IMPA2: variants seen among roughly 807,000 people sequenced by gnomAD.
IMPA2 encodes inositol monophosphatase 2, also known as IMP 2.
A neutral mutation model predicts 35.1 loss-of-function variants in IMPA2; 32 were observed. The ratio of observed to expected loss-of-function variants is 0.91; its 90% confidence interval spans 0.69 to 1.23. The LOEUF (loss-of-function observed/expected upper bound fraction) is 1.23, where lower values mean the gene tolerates loss of function less well. Ranked by LOEUF, IMPA2 falls within the 50% of genes most tolerant of loss-of-function variation. The pLI, the probability that IMPA2 is intolerant of heterozygous loss-of-function variation, is 0.00. For synonymous variants in IMPA2, 135 were observed against 160.6 expected, an observed-to-expected ratio of 0.84 and a Z score of 1.20; for missense variants, 334 against 387.6, an observed-to-expected ratio of 0.86 and a Z score of 1.16.
chr18:11,990,606 G>A (rs1292391107), intron 1 of IMPA2, among the ~76,000 whole-genome samples: 1 of 152,184 alleles, frequency 6.6e-6, no homozygotes, highest in Non-Finnish European at 1.5e-5. Context: ...GCCCTTGGGG[G>A]CTGTGAGTTG....
At chr18:12,008,288 G>A (rs765497226) in intron 2 of IMPA2, 19 of 509,462 alleles carry the variant, frequency 3.7e-5, no homozygotes, top group Middle Eastern at 3.2e-4. Context: ...GAGCCACCGC[G>A]CCTTGCTTGT....
chr18:12,013,984 T>TATTG (rs1907505034), intron 4 of IMPA2, among the ~76,000 whole-genome samples: 1 of 152,242 alleles, frequency 6.6e-6, no homozygotes, highest in South Asian at 2.1e-4. Flanking sequence ...AACTTCTGGT[T>TATTG]ACTAATACTT....
rs1052191622 is a variant in IMPA2 at position 12,010,497 on chromosome 18, G to A, written c.335+510G>A. ...GGGGAGGTGAAGGGAATGGAGCTTCGGGGATGGTGAAGTGACAGGATGCAA... is the reference window on the plus strand; with the variant it reads ...GGGGAGGTGAAGGGAATGGAGCTTCAGGGATGGTGAAGTGACAGGATGCAA... On this transcript the variant is annotated intron_variant, in intron 3 of 7. Coordinates refer to ENST00000269159, the MANE Select transcript of IMPA2 (RefSeq NM_014214.3). The surrounding 1 kb of genome is among the most constrained non-coding windows in gnomAD (Gnocchi z 4.8). 2.6e-5 allele frequency among the ~76,000 whole-genome samples: 4 copies of A among 152,192 alleles called. No individual in the cohort carries two copies. Among genetic ancestry groups the A allele is most frequent in the Admixed American group, 6.5e-5 (1 of 15,290 alleles).
At chr18:12,007,939 A>G (rs1201020219) in intron 2 of IMPA2, among the ~76,000 whole-genome samples, 1 of 150,558 alleles carries the variant, frequency 6.6e-6, no homozygotes, top group East Asian at 2.0e-4. Context: ...CACCACCCCC[A>G]GCTAATTTTT....
rs148135746 is a variant in IMPA2 at position 12,021,006 on chromosome 18, G to A, written c.490+6633G>A. 1.3e-4 allele frequency among the ~76,000 whole-genome samples: 20 copies of A among 151,200 alleles called. No homozygotes were observed. The East Asian group carries it at 3.9e-3, about 30-fold the overall frequency. On this transcript the variant is annotated intron_variant, in intron 5 of 7. Transcript: ENST00000269159. ...GACATTGGATTCCTGGGCTTTGGGG[G>A]CTTGGAGGGCGGGGGTGGGGGCTCC...
chr18:12,021,266 G>T lies in IMPA2; in HGVS notation c.491-6777G>T, dbSNP rs542193937. Among the ~76,000 whole-genome samples, 3 of 152,232 alleles carry T rather than the reference G, an allele frequency of 2.0e-5. No individual in the cohort carries two copies. In the South Asian group the frequency reaches 6.2e-4, roughly 32 times the overall value. On this transcript the variant is annotated intron_variant, in intron 5 of 7. Transcript: ENST00000269159. ...AAATTAGCTGGGTGTGGTGGTGCAT[G>T]CCTGTAGTTCCAGCTACTCAGAGGG...
chr18:12,008,586 C>T (rs1419801717), intron 2 of IMPA2: 2 of 456,562 alleles, frequency 4.4e-6, no homozygotes, highest in South Asian at 3.1e-5. Context: ...GACCAGCCTG[C>T]AGAAGGTGGG....
intron 1 of IMPA2, among the ~76,000 whole-genome samples, chr18:11,997,195 C>T (rs1906984654): frequency 6.6e-6 from 1 of 152,218 alleles, no homozygotes; most frequent in South Asian, 2.1e-4. Context: ...TGGGCAGATG[C>T]TACGGGAGCC....
chr18:12,020,185 TTG>T (rs1196213485), intron 5 of IMPA2, among the ~76,000 whole-genome samples: 23 of 151,952 alleles, frequency 1.5e-4, no homozygotes, highest in African/African-American at 4.6e-4. Flanking sequence ...TATTTATTGA[TTG>T]ATTGATTGAT....
rs535394516 is a variant in IMPA2, at chr18:12,030,482, C to T, written c.*24C>T. 5.0e-6 allele frequency: 8 copies of T among 1,593,360 alleles called. No homozygotes were observed. In the African/African-American group the frequency reaches 1.1e-4, roughly 21 times the overall value. On this transcript the variant is annotated 3_prime_UTR_variant, in exon 8 of 8. Coordinates refer to ENST00000269159, the MANE Select transcript of IMPA2 (RefSeq NM_014214.3). ...GACTGCGGCTGAGGCAAAGCTGCTC[C>T]CAAGGCCTCCCTGGGCTGCTGTGGG... is the stretch of plus-strand genomic sequence containing the variant.
rs922995532 is a variant in IMPA2, at chr18:12,008,687, G to A, written c.231-1196G>A. ...GAGGAAGGGTGACAGTGCATGGGGCGAGAGTGCTTTCCCTTGTTTTTGGCC... is the reference window on the plus strand; with the variant it reads ...GAGGAAGGGTGACAGTGCATGGGGCAAGAGTGCTTTCCCTTGTTTTTGGCC... On this transcript the variant is annotated intron_variant, in intron 2 of 7. Transcript: ENST00000269159. 63 of 391,546 alleles carry A rather than the reference G, an allele frequency of 1.6e-4. 1 individual carries two copies. Among genetic ancestry groups the A allele is most frequent in the South Asian group, 1.1e-3 (61 of 53,288 alleles). The allele number at this position is 391,546 out of a possible 1,614,324, so 24.3% of individuals were successfully genotyped here.
chr18:11,992,141 C>T (rs1470993070), intron 1 of IMPA2, among the ~76,000 whole-genome samples: 2 of 152,244 alleles, frequency 1.3e-5, no homozygotes, highest in Non-Finnish European at 2.9e-5. Context: ...CACGCCTAGC[C>T]CAGAACAATG....
At chr18:12,021,740 G>A (rs1451334083) in intron 5 of IMPA2, 1 of 152,186 alleles carries the variant, frequency 6.6e-6, no homozygotes, top group African/African-American at 2.4e-5. Context: ...TGGTCTTGAA[G>A]TCCTGACCTC....
Position 11,981,790 on chromosome 18 carries a change from A to G in IMPA2, c.96+25A>G, listed in dbSNP as rs1166566772. ...GGTGAGCGCCACGGCTGGGCTCGGA[A>G]GTCCGGGCGGAGCAGAAGCGCGTGG... On this transcript the variant is annotated intron_variant, in intron 1 of 7. Transcript: ENST00000269159. 4 of 1,217,306 alleles carry G rather than the reference A, an allele frequency of 3.3e-6. No individual in the cohort carries two copies. In the African/African-American group the frequency reaches 6.3e-5, roughly 19 times the overall value. 75.4% of individuals were successfully genotyped at this position (1,217,306 alleles called of 1,614,324 possible). A position where few individuals can be genotyped will look rare whatever the true frequency, so the allele number is the denominator to read the frequency against.
chr18:12,029,446 G>A (rs138665495), intron 7 of IMPA2, among the ~76,000 whole-genome samples: 1,805 of 148,076 alleles, frequency 0.012, 25 homozygotes, highest in Middle Eastern at 0.065. Context: ...TTTTTGACAC[G>A]GAGTTTCACT....
In IMPA2 at chr18:12,030,488, C is replaced by T. The variant is rs370961806; in HGVS notation, c.*30C>T. The T allele has an allele frequency of 3.8e-5, 59 of 1,563,596 alleles. No individual in the cohort carries two copies. The highest frequency in any genetic ancestry group is 1.7e-4 in the Middle Eastern group (1 of 5,986). ...GGCTGAGGCAAAGCTGCTCCCAAGGCCTCCCTGGGCTGCTGTGGGCTCCTG... is the reference window on the plus strand; with the variant it reads ...GGCTGAGGCAAAGCTGCTCCCAAGGTCTCCCTGGGCTGCTGTGGGCTCCTG... On this transcript the variant is annotated 3_prime_UTR_variant, in exon 8 of 8. Coordinates refer to ENST00000269159, the MANE Select transcript of IMPA2 (RefSeq NM_014214.3).
chr18:12,014,809 A>G (rs1358389348), intron 5 of IMPA2, among the ~76,000 whole-genome samples: 1 of 152,020 alleles, frequency 6.6e-6, no homozygotes, highest in Non-Finnish European at 1.5e-5. Flanking sequence ...AGCTTCTGTG[A>G]GAAGAGCCAT....
intron 2 of IMPA2, among the ~76,000 whole-genome samples, chr18:12,007,578 CTTTCT>C (rs150047520): frequency 0.11 from 15,632 of 141,794 alleles, 1,058 homozygotes; most frequent in Admixed American, 0.19. Context: ...TCCTTCTTTT[CTTTCT>C]TTTCTTTTCT....
rs764933951 is a variant in IMPA2 at position 12,028,171 on chromosome 18, G to C, written c.599+20G>C. The C allele has an allele frequency of 4.0e-6, 6 of 1,486,982 alleles. No homozygotes were observed. The African/African-American group carries it at 6.9e-5, about 17-fold the overall frequency. The allele number at this position is 1,486,982 out of a possible 1,614,324, so 92.1% of individuals were successfully genotyped here. A position where few individuals can be genotyped will look rare whatever the true frequency, so the allele number is the denominator to read the frequency against. ...GCATGGGTAGGAGGTTCAGTTCGGG[G>C]AACACCCTGCAGCCCGAGGAGGAAG... On this transcript the variant is annotated intron_variant, in intron 6 of 7. Coordinates refer to ENST00000269159, the MANE Select transcript of IMPA2 (RefSeq NM_014214.3).
Sources: gnomAD v4.1 joint callset for allele counts (sites outside exome capture counted in the v4.1 genomes callset) on GRCh38, gnomAD v4.1.1 for gene constraint, Gnocchi (gnomAD v3.1) non-coding constraint, MANE v1.5 for transcripts, NCBI Gene and HGNC (gene_info 2026-07-23, HGNC 2026-07-21) for gene names.